The following MDN1 variants were observed in gnomAD, a reference collection of about 807,000 sequenced individuals.
MDN1 encodes the protein midasin AAA ATPase 1, also known as midasin.
A neutral mutation model predicts 669.2 loss-of-function variants in MDN1; 266 were observed. The ratio of observed to expected loss-of-function variants is 0.40; its 90% CI spans 0.36 to 0.44. The LOEUF is 0.44. MDN1 is among the 20% of genes least tolerant of loss of function. The pLI is 1.00. For synonymous variants in MDN1, 2,385 were observed against 2,457.1 expected (o/e 0.97, Z 0.87); for missense variants, 5,940 against 6,754.0 (o/e 0.88, Z 4.22).
At chr6:89,777,678 G>A (rs1438330117) in intron 11 of MDN1, among the ~76,000 whole-genome samples, 4 of 152,078 alleles carry the variant, frequency 2.6e-5, no homozygotes, top group African/African-American at 4.8e-5. Flanking sequence ...CACCACTATC[G>A]TAGAAACTAA....
Position 89,756,203 on chromosome 6 carries a change from T to TTG in MDN1, c.2816+72_2816+73dup, listed in dbSNP as rs375943767. The TTG allele has an allele frequency of 2.6e-4, 165 of 632,884 alleles. No homozygotes were observed. In the East Asian group the frequency reaches 4.8e-3, roughly 18 times the overall value. 39.2% of individuals were successfully genotyped at this position (632,884 alleles called of 1,614,324 possible). ...GTTAGAAGTAAAAAAGAATACATAT[T>TTG]TGTGTGTGTGCACGAGTAGCACATT... On this transcript the variant is annotated intron_variant, in intron 20 of 101. Transcript: ENST00000369393.
chr6:89,691,401 C>T (rs1812369678), intron 63 of MDN1, among the ~76,000 whole-genome samples: 1 of 152,194 alleles, frequency 6.6e-6, no homozygotes, highest in Admixed American at 6.5e-5. Flanking sequence ...AGGAAATAAG[C>T]ACCCACCATC....
intron 59 of MDN1, among the ~76,000 whole-genome samples, chr6:89,697,584 ATTTT>A (rs778362344): frequency 1.4e-5 from 2 of 142,524 alleles, no homozygotes. Flanking sequence ...GAACAACCCT[ATTTT>A]TTTTTTTTTT....
chr6:89,726,480 T>TAGAAAAAAAAAAAAAAAAAAAAAAAA (rs1815244660), intron 37 of MDN1, among the ~76,000 whole-genome samples: 2 of 65,668 alleles, frequency 3.0e-5, no homozygotes, highest in African/African-American at 6.1e-5. Context: ...AAAAGAAAAA[T>TAGAAAAAAAAAAAAAAAAAAAAAAAA]AGAAAAAAAA....
chr6:89,788,396 AAAG>A (rs1224344425), intron 7 of MDN1, among the ~76,000 whole-genome samples: 2 of 152,338 alleles, frequency 1.3e-5, no homozygotes, highest in Non-Finnish European at 2.9e-5. Flanking sequence ...GCTAAACCTT[AAAG>A]AAGAATGAGC....
chr6:89,677,343 C>T (rs1462750723), intron 76 of MDN1, among the ~76,000 whole-genome samples: 2 of 152,162 alleles, frequency 1.3e-5, no homozygotes, highest in African/African-American at 2.4e-5. Flanking sequence ...ATCTGCCCAC[C>T]TGAGACTCCC....
chr6:89,688,535 C>G (rs754183702), intron 66 of MDN1, 38 bp downstream of exon 66: 13 of 1,577,574 alleles, frequency 8.2e-6, no homozygotes, highest in Non-Finnish European at 1.1e-5. Flanking sequence ...ATTGCAGACT[C>G]AGTACTGTGA....
rs185381353 is a variant in MDN1 at position 89,755,256 on chromosome 6, C to T, written c.2816+1021G>A. On this transcript the variant is annotated intron_variant, in intron 20 of 101. Coordinates refer to ENST00000369393, the MANE Select transcript of MDN1 (RefSeq NM_014611.3). ...GTTGACTAATCTATTTAATACAGGACTTCAGGACCAGGTGCTGTAGCTCAA... is the reference window on the plus strand; with the variant it reads ...GTTGACTAATCTATTTAATACAGGATTTCAGGACCAGGTGCTGTAGCTCAA... Among the ~76,000 whole-genome samples, 186 of 151,896 alleles carry T rather than the reference C, an allele frequency of 1.2e-3. 2 individuals carry two copies. The highest frequency in any genetic ancestry group is 4.4e-3 in the African/African-American group (182 of 41,422).
At chr6:89,670,168 ATATTT>A (rs1206628925) in intron 83 of MDN1, among the ~76,000 whole-genome samples, 9 of 21,634 alleles carry the variant, frequency 4.2e-4, no homozygotes, top group African/African-American at 6.4e-4. Flanking sequence ...ATATATATAT[ATATTT>A]TTTTTTTTTT....
At chr6:89,797,168 G>A (rs1309850763) in intron 2 of MDN1, among the ~76,000 whole-genome samples, 3 of 152,036 alleles carry the variant, frequency 2.0e-5, no homozygotes, top group East Asian at 3.9e-4. Context: ...TCAAGAGATC[G>A]AGACCATCCT....
At chr6:89,656,840 GC>G (rs747453811) in intron 90 of MDN1, 39 bp from the exon 91 acceptor site, 2 of 1,521,170 alleles carry the variant, frequency 1.3e-6, no homozygotes, top group South Asian at 2.3e-5. Context: ...GGTGAAAGAA[GC>G]TATTACAAGT....
chr6:89,707,520 T>C (rs1244664525), intron 51 of MDN1, 44 bp from the exon 52 acceptor site: 1 of 1,231,850 alleles, frequency 8.1e-7, no homozygotes, highest in South Asian at 1.2e-5. Flanking sequence ...TATCGGTTAA[T>C]AACATTTTCA....
At chr6:89,713,899 G>A (rs1252429698) in intron 46 of MDN1, among the ~76,000 whole-genome samples, 2 of 151,918 alleles carry the variant, frequency 1.3e-5, no homozygotes, top group East Asian at 1.9e-4. Context: ...TTAGCCGGGC[G>A]TGGTGGCAGG....
intron 84 of MDN1, among the ~76,000 whole-genome samples, chr6:89,665,540 C>G (rs887963314): frequency 3.3e-5 from 5 of 150,996 alleles, no homozygotes; most frequent in Non-Finnish European, 1.5e-5. Context: ...AACACCGTCT[C>G]TACTACATAT....
At chr6:89,686,880 G>A in intron 69 of MDN1, 22 bp downstream of exon 69, 1 of 1,612,780 alleles carries the variant, frequency 6.2e-7, no homozygotes, top group Non-Finnish European at 8.5e-7. Flanking sequence ...AAGTGGGCAG[G>A]AAATGTACTG....
intron 97 of MDN1, among the ~76,000 whole-genome samples, chr6:89,649,367 AAATGGAGCT>A (rs999695186): frequency 1.3e-5 from 2 of 152,238 alleles, no homozygotes; most frequent in African/African-American, 4.8e-5. Flanking sequence ...ATGTGTTAAT[AAATGGAGCT>A]GGGATATGAA....
At chr6:89,787,021 G>T (rs1320283180) in intron 8 of MDN1, among the ~76,000 whole-genome samples, 1 of 150,796 alleles carries the variant, frequency 6.6e-6, no homozygotes, top group Non-Finnish European at 1.5e-5. Context: ...TGGGAAGACT[G>T]CTTGAGTACA....
rs1298276184 is a variant in MDN1, at chr6:89,680,768, A to T, written c.12103-17T>A. 1.2e-6 allele frequency: 2 copies of T among 1,609,094 alleles called. No individual in the cohort carries two copies. The highest frequency in any genetic ancestry group is 3.4e-5 in the Admixed American group (2 of 59,242). On this transcript the variant is annotated splice_polypyrimidine_tract_variant and intron_variant, in intron 73 of 101. Transcript: ENST00000369393. ...AATTGTGGCCTGTGAGACAAAAGAC[A>T]GGTTAGCCTCACTGCCAAGAATGAC...
chr6:89,744,122 A>AAAAAAAAAAAAAAC (rs1562169365), intron 29 of MDN1, among the ~76,000 whole-genome samples: 1 of 122,532 alleles, frequency 8.2e-6, no homozygotes, highest in Non-Finnish European at 1.7e-5. Flanking sequence ...AAAAAAAAAA[A>AAAAAAAAAAAAAAC]AAAAAAAAAC....
Sources: allele counts gnomAD v4.1 joint callset (sites outside exome capture counted in the v4.1 genomes callset), GRCh38; gene constraint gnomAD v4.1.1; transcripts MANE v1.5; gene names NCBI Gene and HGNC (gene_info 2026-07-23, HGNC 2026-07-21).